The following ST18 variants were observed in gnomAD, a reference collection of about 807,000 sequenced individuals.
ST18 encodes the protein suppression of tumorigenicity 18 protein.
ST18 carries 50 observed loss-of-function variants against 110.0 expected under a neutral mutation model. The observed-to-expected ratio is 0.45, with a 90% confidence interval of 0.36 to 0.58. The LOEUF (loss-of-function observed/expected upper bound fraction) is 0.58, where lower values mean the gene tolerates loss of function less well. Ranked by LOEUF, ST18 falls within the 20% of genes least tolerant of loss-of-function variation. ST18 has a pLI of 0.00. For synonymous variants in ST18, 461 were observed against 452.4 expected, an observed-to-expected ratio of 1.02 and a Z score of -0.24; for missense variants, 1,306 against 1,280.1, an observed-to-expected ratio of 1.02 and a Z score of -0.31.
At chr8:52,133,347 G>C in intron 19 of ST18, 46 bp from the exon 20 acceptor site, 2 of 1,608,264 alleles carry the variant, frequency 1.2e-6, no homozygotes, top group Non-Finnish European at 1.7e-6. Flanking sequence ...TTGTAGTTGG[G>C]GGAGTGGGGG....
At chr8:52,224,750 A>G (rs1588859610) in intron 3 of ST18, among the ~76,000 whole-genome samples, 1 of 152,348 alleles carries the variant, frequency 6.6e-6, no homozygotes, top group East Asian at 1.9e-4. Flanking sequence ...ACTTTTCTTT[A>G]TCACCTTTTA....
intron 16 of ST18, among the ~76,000 whole-genome samples, chr8:52,148,608 A>G (rs2058000571): frequency 6.7e-6 from 1 of 148,194 alleles, no homozygotes; most frequent in African/African-American, 2.5e-5. Flanking sequence ...TCCAGGTCCC[A>G]TGTCACTGAC....
intron 2 of ST18, among the ~76,000 whole-genome samples, chr8:52,392,858 A>T (rs969375272): frequency 4.6e-5 from 7 of 152,336 alleles, no homozygotes; most frequent in Middle Eastern, 3.4e-3. Context: ...ACAAAGTTAC[A>T]CATGAAGACT....
intron 2 of ST18, among the ~76,000 whole-genome samples, chr8:52,373,548 C>T (rs1439939276): frequency 6.6e-6 from 1 of 151,948 alleles, no homozygotes; most frequent in Non-Finnish European, 1.5e-5. Flanking sequence ...AGCCAGCAGA[C>T]TCCACACAAG....
intron 12 of ST18, 44 bp from the exon 13 acceptor site, chr8:52,164,134 A>C (rs1296566266): frequency 6.5e-7 from 1 of 1,545,664 alleles, no homozygotes; most frequent in Non-Finnish European, 8.9e-7. Flanking sequence ...TTAAAATGAT[A>C]ATATGATTTG....
At chr8:52,350,952 C>A (rs1226139031) in intron 2 of ST18, among the ~76,000 whole-genome samples, 1 of 151,934 alleles carries the variant, frequency 6.6e-6, no homozygotes, top group Non-Finnish European at 1.5e-5. Flanking sequence ...TATCTCCTGA[C>A]CTCATCATCT....
intron 8 of ST18, among the ~76,000 whole-genome samples, chr8:52,181,844 G>A (rs190350304): frequency 1.3e-5 from 2 of 152,122 alleles, no homozygotes; most frequent in African/African-American, 2.4e-5. Flanking sequence ...ACACCTTTAC[G>A]CTTGCCTTCT....
intron 15 of ST18, among the ~76,000 whole-genome samples, chr8:52,151,735 G>A (rs892532695): frequency 1.3e-5 from 2 of 152,068 alleles, no homozygotes; most frequent in Non-Finnish European, 2.9e-5. Flanking sequence ...AATGGCCAAC[G>A]TAAAGTAAAA....
chr8:52,151,857 T>C lies in ST18; in HGVS notation c.1807-1880A>G, dbSNP rs139373301. On this transcript the variant is annotated intron_variant, in intron 15 of 25. Coordinates refer to ENST00000689386, the MANE Select transcript of ST18 (RefSeq NM_001352837.2). Reference sequence around the variant, plus strand: ...TTCCAGACCTCTGTGACAGATGGCTTAGGAAAAAGAAGCCATGTGACTGGG... The same window carrying C: ...TTCCAGACCTCTGTGACAGATGGCTCAGGAAAAAGAAGCCATGTGACTGGG... Among the ~76,000 whole-genome samples, 853 of 152,266 alleles carry C rather than the reference T, an allele frequency of 5.6e-3. 8 individuals carry two copies. The highest frequency in any genetic ancestry group is 0.02 in the African/African-American group (832 of 41,548).
intron 2 of ST18, among the ~76,000 whole-genome samples, chr8:52,350,258 C>T (rs911463502): frequency 3.3e-5 from 5 of 152,124 alleles, no homozygotes; most frequent in African/African-American, 1.2e-4. Context: ...TATCCCAATC[C>T]TTCTATTCTA....
chr8:52,338,853 T>C (rs1813480313), intron 2 of ST18, among the ~76,000 whole-genome samples: 1 of 151,944 alleles, frequency 6.6e-6, no homozygotes, highest in Non-Finnish European at 1.5e-5. Context: ...TCCTCCTACC[T>C]CAGTCTCCTG....
intron 13 of ST18, among the ~76,000 whole-genome samples, chr8:52,162,914 G>A (rs2061838724): frequency 6.6e-6 from 1 of 151,984 alleles, no homozygotes; most frequent in African/African-American, 2.4e-5. Flanking sequence ...AAACTTTTTA[G>A]CTGCTATATA....
In ST18 at chr8:52,392,534, T is replaced by C. The variant is rs28564107; in HGVS notation, c.-465+16794A>G. 6.0e-3 allele frequency among the ~76,000 whole-genome samples: 920 copies of C among 152,324 alleles called. 8 individuals are homozygous for C. Among genetic ancestry groups the C allele is most frequent in the African/African-American group, 0.021 (890 of 41,558 alleles). On this transcript the variant is annotated intron_variant, in intron 2 of 25. Coordinates refer to ENST00000689386, the MANE Select transcript of ST18 (RefSeq NM_001352837.2). Reference sequence around the variant, plus strand: ...CCATGTGGAATTAATGGCCTTAATATAACAGATAAAATTCCAATATTGTTA... The same window carrying C: ...CCATGTGGAATTAATGGCCTTAATACAACAGATAAAATTCCAATATTGTTA...
At chr8:52,214,054 G>A (rs1208363588) in intron 7 of ST18, 149 bp downstream of exon 7, 14 of 770,830 alleles carry the variant, frequency 1.8e-5, no homozygotes, top group Non-Finnish European at 2.7e-5. Flanking sequence ...GCCTCTCCGT[G>A]CCAAGAGCCA....
At chr8:52,148,166 G>A (rs1012603156) in intron 16 of ST18, among the ~76,000 whole-genome samples, 1 of 152,110 alleles carries the variant, frequency 6.6e-6, no homozygotes, top group Non-Finnish European at 1.5e-5. Context: ...AACTTTGCTG[G>A]CATCAGTTTC....
intron 8 of ST18, among the ~76,000 whole-genome samples, chr8:52,205,521 A>G (rs980989860): frequency 6.6e-6 from 1 of 152,102 alleles, no homozygotes; most frequent in Non-Finnish European, 1.5e-5. Flanking sequence ...TTAGAAGGAA[A>G]TGGTAGTAGT....
chr8:52,374,900 A>G (rs1039530642), intron 2 of ST18, among the ~76,000 whole-genome samples: 1 of 152,164 alleles, frequency 6.6e-6, no homozygotes, highest in African/African-American at 2.4e-5. Flanking sequence ...TCCATCTTGT[A>G]TATGTACCAC....
intron 2 of ST18, among the ~76,000 whole-genome samples, chr8:52,235,951 T>C (rs2092596136): frequency 6.6e-6 from 1 of 152,164 alleles, no homozygotes; most frequent in Non-Finnish European, 1.5e-5. Context: ...AACTGGGTAG[T>C]TCTGAAAATA....
intron 2 of ST18, among the ~76,000 whole-genome samples, chr8:52,358,673 C>A (rs185262370): frequency 6.6e-6 from 1 of 151,826 alleles, no homozygotes; most frequent in East Asian, 1.9e-4. Flanking sequence ...CTTGAATATA[C>A]GTTTAGCAAG....
Sources: gnomAD v4.1 joint callset for allele counts (sites outside exome capture counted in the v4.1 genomes callset) on GRCh38, gnomAD v4.1.1 for gene constraint, MANE v1.5 for transcripts, NCBI Gene and HGNC (gene_info 2026-07-23, HGNC 2026-07-21) for gene names.